The following TNR variants were observed in gnomAD, a reference collection of about 807,000 sequenced individuals.
TNR encodes tenascin R.
Under a neutral mutation model 150.4 loss-of-function variants are expected in TNR, and 45 were observed. The ratio of observed to expected loss-of-function variants is 0.30; its 90% CI spans 0.24 to 0.38. The LOEUF (loss-of-function observed/expected upper bound fraction) is 0.38, where lower values mean the gene tolerates loss of function less well. TNR is among the 10% of genes least tolerant of loss of function. TNR has a pLI of 1.00. For synonymous variants in TNR, 687 were observed against 678.4 expected (o/e 1.01, Z -0.20); for missense variants, 1,544 against 1,759.1 (o/e 0.88, Z 2.19).
At chr1:175,560,148 GC>G (rs1229700793) in intron 1 of TNR, among the ~76,000 whole-genome samples, 1 of 152,194 alleles carries the variant, frequency 6.6e-6, no homozygotes, top group Non-Finnish European at 1.5e-5. Flanking sequence ...TACCTGCTCA[GC>G]TTTTGTTTTA....
intron 2 of TNR, among the ~76,000 whole-genome samples, chr1:175,506,938 T>C (rs1013307694): frequency 3.9e-5 from 6 of 152,254 alleles, no homozygotes; most frequent in Admixed American, 3.3e-4. Context: ...TTATGTGAGG[T>C]GGAGACAGAC....
At chr1:175,666,839 C>T (rs1055416656) in intron 1 of TNR, among the ~76,000 whole-genome samples, 1 of 152,168 alleles carries the variant, frequency 6.6e-6, no homozygotes, top group Non-Finnish European at 1.5e-5. Context: ...CCTCAAACTC[C>T]AGGTTCAAGC....
At chr1:175,534,661 A>G (rs1019233658) in intron 1 of TNR, among the ~76,000 whole-genome samples, 1 of 152,198 alleles carries the variant, frequency 6.6e-6, no homozygotes, top group Non-Finnish European at 1.5e-5. Context: ...GAGATTTGAG[A>G]TCTGTGGGAC....
intron 3 of TNR, 110 bp from the exon 4 acceptor site, chr1:175,403,726 T>G: frequency 1.1e-6 from 1 of 892,108 alleles, no homozygotes; most frequent in Non-Finnish European, 1.8e-6. Flanking sequence ...AGATTTCTGT[T>G]GCTGAGAGTG....
intron 1 of TNR, among the ~76,000 whole-genome samples, chr1:175,545,252 T>C (rs545220437): frequency 1.3e-5 from 2 of 152,268 alleles, no homozygotes; most frequent in South Asian, 2.1e-4. Flanking sequence ...GGTGTCTCAA[T>C]AGGTAGGTTA....
rs72725463 is a variant in TNR, at chr1:175,601,249, G to C, written c.-164-72880C>G. On this transcript the variant is annotated intron_variant, in intron 1 of 22. Transcript: ENST00000367674. Reference sequence around the variant, plus strand: ...CTGCAGCGGGTAGAGTTTGGGTAAGGTCACTTGGCCAGTTCTTACTCAGAG... The same window carrying C: ...CTGCAGCGGGTAGAGTTTGGGTAAGCTCACTTGGCCAGTTCTTACTCAGAG... 1.3e-5 allele frequency among the ~76,000 whole-genome samples: 2 copies of C among 152,208 alleles called. 1 individual carries two copies. The highest frequency in any genetic ancestry group is 2.9e-5 in the Non-Finnish European group (2 of 68,042).
At chr1:175,609,774 T>G (rs1663533605) in intron 1 of TNR, among the ~76,000 whole-genome samples, 1 of 152,204 alleles carries the variant, frequency 6.6e-6, no homozygotes. Flanking sequence ...GCTGCCTGAT[T>G]AGTGCATTCT....
At chr1:175,622,108 G>A (rs1322924702) in intron 1 of TNR, among the ~76,000 whole-genome samples, 1 of 152,184 alleles carries the variant, frequency 6.6e-6, no homozygotes, top group Non-Finnish European at 1.5e-5. Flanking sequence ...TAAATGTTAG[G>A]TATTATTGTT....
At chr1:175,474,353 T>A (rs566162875) in intron 2 of TNR, among the ~76,000 whole-genome samples, 1 of 152,176 alleles carries the variant, frequency 6.6e-6, no homozygotes, top group African/African-American at 2.4e-5. Flanking sequence ...GATCAGGGCA[T>A]CCAGAGGCAC....
At position 175,367,272 on chromosome 1, in the gene TNR, T is replaced by G; in HGVS notation, c.1989A>C (p.Gly663=). The change falls in exon 10 of 23, where the codon GGA becomes GGC. Residue 663 remains glycine, a synonymous_variant. Coordinates refer to ENST00000367674, the MANE Select transcript of TNR (RefSeq NM_003285.3). ...AGTTCATGACGGCAGATATTCCAACTCCATACTCAGTGCCAGGTACCAGAT... is the reference window on the plus strand; with the variant it reads ...AGTTCATGACGGCAGATATTCCAACGCCATACTCAGTGCCAGGTACCAGAT... ...LTDLVPGTEY[G]VGISAVMNSQ... 1 of 1,614,104 alleles carries G rather than the reference T, an allele frequency of 6.2e-7. No homozygotes were observed. The highest frequency in any genetic ancestry group is 1.1e-5 in the South Asian group (1 of 91,076).
chr1:175,467,361 C>T (rs934885312), intron 2 of TNR, among the ~76,000 whole-genome samples: 2 of 152,192 alleles, frequency 1.3e-5, no homozygotes, highest in African/African-American at 4.8e-5. Context: ...TTCTTTAAAA[C>T]CCTCAAACCA....
At chr1:175,484,078 T>C (rs555305014) in intron 2 of TNR, among the ~76,000 whole-genome samples, 84 of 152,374 alleles carry the variant, frequency 5.5e-4, no homozygotes, top group Admixed American at 2.0e-3. Flanking sequence ...TGCCTAGCAC[T>C]GTGCAGTGCA....
chr1:175,537,327 C>G (rs551675942), intron 1 of TNR, among the ~76,000 whole-genome samples: 1 of 152,308 alleles, frequency 6.6e-6, no homozygotes, highest in Non-Finnish European at 1.5e-5. Flanking sequence ...TGATATAAAG[C>G]CCTTCCTTGC....
At chr1:175,637,176 C>A (rs10913038) in intron 1 of TNR, among the ~76,000 whole-genome samples, 22,200 of 152,092 alleles carry the variant, frequency 0.15, 2,070 homozygotes, top group East Asian at 0.41. Flanking sequence ...TCTGGGCTTG[C>A]CTTTTGTTTA....
intron 1 of TNR, among the ~76,000 whole-genome samples, chr1:175,666,903 T>C (rs1210678036): frequency 3.3e-5 from 5 of 152,116 alleles, no homozygotes; most frequent in Admixed American, 2.6e-4. Context: ...CACACCACCA[T>C]GTATGGATAA....
At chr1:175,328,277 A>G (rs1649527205) in intron 21 of TNR, among the ~76,000 whole-genome samples, 1 of 152,230 alleles carries the variant, frequency 6.6e-6, no homozygotes, top group Non-Finnish European at 1.5e-5. Flanking sequence ...GAGCTGCTCA[A>G]CAACCTCTGA....
chr1:175,630,850 A>C (rs544819239), intron 1 of TNR, among the ~76,000 whole-genome samples: 1 of 152,196 alleles, frequency 6.6e-6, no homozygotes, highest in Non-Finnish European at 1.5e-5. Context: ...TATGAATAAC[A>C]GGCTGAATTC....
At chr1:175,617,431 G>A (rs1311046285) in intron 1 of TNR, among the ~76,000 whole-genome samples, 1 of 152,146 alleles carries the variant, frequency 6.6e-6, no homozygotes, top group African/African-American at 2.4e-5. Context: ...AGCTAAGGTC[G>A]GCACTGGCTC....
chr1:175,404,982 T>A (rs1653880506), intron 3 of TNR, among the ~76,000 whole-genome samples: 1 of 152,224 alleles, frequency 6.6e-6, no homozygotes, highest in Admixed American at 6.5e-5. Flanking sequence ...TGTCTCAGGG[T>A]GAATGTGTCA....
Sources: allele counts gnomAD v4.1 joint callset (sites outside exome capture counted in the v4.1 genomes callset), GRCh38; gene constraint gnomAD v4.1.1; transcripts MANE v1.5; gene names NCBI Gene and HGNC (gene_info 2026-07-23, HGNC 2026-07-21).